The following APTX variants were observed in gnomAD, a reference collection of about 807,000 sequenced individuals.
APTX encodes the protein forkhead-associated domain histidine triad-like protein.
In APTX, 33 loss-of-function variants were observed where a neutral mutation model predicts 42.3. The ratio of observed to expected loss-of-function variants is 0.78; its 90% CI spans 0.59 to 1.04. APTX has a LOEUF of 1.04. Among genes scored for constraint, APTX ranks in the 50% least tolerant of loss-of-function variants. APTX has a pLI of 0.00. For missense variants in APTX, 421 were observed against 415.1 expected (o/e 1.01, Z -0.12); for synonymous variants, 130 against 146.7 (o/e 0.89, Z 0.82).
intron 1 of APTX, chr9:32,990,183 T>C (rs1475356815): frequency 1.6e-5 from 5 of 320,530 alleles, no homozygotes; most frequent in Non-Finnish European, 2.9e-5. Context: ...ATTTATTTTA[T>C]TTATTTTGAG....
At chr9:33,019,396 G>A (rs1838179681) in intron 1 of APTX, among the ~76,000 whole-genome samples, 1 of 152,052 alleles carries the variant, frequency 6.6e-6, no homozygotes, top group African/African-American at 2.4e-5. Context: ...AATATTCTAA[G>A]AAATTTAAAT....
chr9:32,989,620 T>C, intron 2 of APTX, 139 bp downstream of exon 2: 1 of 1,291,892 alleles, frequency 7.7e-7, no homozygotes, highest in Admixed American at 1.7e-5. Context: ...GCCCTGGTGT[T>C]GGCTAAAAGA....
upstream of APTX, among the ~76,000 whole-genome samples, chr9:33,006,532 G>A (rs190361626): frequency 1.1e-4 from 16 of 152,306 alleles, no homozygotes; most frequent in Admixed American, 6.5e-4. Context: ...AAAAGCAGGT[G>A]AAGCCAGAGG....
chr9:32,973,427 G>C lies in APTX; in HGVS notation c.*71C>G. ...TTAGGAAATGAGTAGAAGTTCACAA[G>C]CAACCCAGAATAGGTGCCAGCAGTT... On this transcript the variant is annotated 3_prime_UTR_variant, in exon 8 of 8. Transcript: ENST00000379817. 6.5e-7 allele frequency: 1 copy of C among 1,547,026 alleles called. No individual in the cohort carries two copies. The highest frequency in any genetic ancestry group is 8.9e-7 in the Non-Finnish European group (1 of 1,121,528).
At chr9:33,008,864 A>G (rs1373939458) in intron 1 of APTX, among the ~76,000 whole-genome samples, 2 of 152,054 alleles carry the variant, frequency 1.3e-5, no homozygotes, top group Non-Finnish European at 2.9e-5. Context: ...TTGATTTTTT[A>G]ATGATAATCT....
intron 1 of APTX, among the ~76,000 whole-genome samples, chr9:33,020,542 G>A (rs891361288): frequency 3.3e-5 from 5 of 152,208 alleles, no homozygotes; most frequent in African/African-American, 1.2e-4. Flanking sequence ...AATCAAATCA[G>A]CTCTAAAACA....
At chr9:33,000,625 C>CAAAAAAAAAAAAAAAAAAAAAAAA (rs60760701) in intron 1 of APTX, among the ~76,000 whole-genome samples, 20 of 63,408 alleles carry the variant, frequency 3.2e-4, no homozygotes, top group East Asian at 1.1e-3. Context: ...GACTCTGTCT[C>CAAAAAAAAAAAAAAAAAAAAAAAA]AAAAAAAAAA....
intron 1 of APTX, among the ~76,000 whole-genome samples, chr9:33,019,367 C>T (rs980398628): frequency 8.6e-5 from 13 of 151,784 alleles, no homozygotes; most frequent in African/African-American, 3.1e-4. Context: ...AAAGTCTGGC[C>T]CCAGTTAATT....
At chr9:32,977,706 C>G (rs1050474112) in intron 6 of APTX, among the ~76,000 whole-genome samples, 3 of 152,092 alleles carry the variant, frequency 2.0e-5, no homozygotes, top group African/African-American at 7.2e-5. Context: ...TGGCGCATGC[C>G]TGTAATCCCA....
intron 1 of APTX, among the ~76,000 whole-genome samples, chr9:32,993,959 T>G (rs1217993036): frequency 6.6e-6 from 1 of 152,102 alleles, no homozygotes; most frequent in Non-Finnish European, 1.5e-5. Context: ...TGTCAGGCGA[T>G]CCGCCCACCT....
intron 1 of APTX, among the ~76,000 whole-genome samples, chr9:33,022,655 C>T (rs1390146472): frequency 1.3e-5 from 2 of 152,068 alleles, no homozygotes; most frequent in Non-Finnish European, 2.9e-5. Context: ...CTACATACTA[C>T]GCCATTAAAA....
At position 32,975,596 on chromosome 9, in the gene APTX, G is replaced by A. The variant is rs529285134; in HGVS notation, c.771-1035C>T. Among the ~76,000 whole-genome samples the A allele has an allele frequency of 3.9e-5, 6 of 152,252 alleles. No individual in the cohort carries two copies. In the South Asian group the frequency reaches 6.2e-4, roughly 16 times the overall value. On this transcript the variant is annotated intron_variant, in intron 6 of 7. Coordinates refer to ENST00000379817, the MANE Select transcript of APTX (RefSeq NM_001195248.2). ...TGCCTGTAATCCCAGCTACTTGGGA[G>A]GCTGAGGCAGGAGAATCACTTGAAC...
intron 6 of APTX, among the ~76,000 whole-genome samples, chr9:32,977,536 TG>T (rs1039370188): frequency 7.0e-6 from 1 of 143,102 alleles, no homozygotes; most frequent in Non-Finnish European, 1.5e-5. Flanking sequence ...TTTATAAAAA[TG>T]GGGGGGAAAA....
intron 1 of APTX, among the ~76,000 whole-genome samples, chr9:33,019,512 T>C (rs1838190501): frequency 6.6e-6 from 1 of 152,214 alleles, no homozygotes; most frequent in African/African-American, 2.4e-5. Flanking sequence ...CAGTTTTATT[T>C]TCTGTGGTAA....
chr9:32,998,858 A>G (rs113128271), intron 1 of APTX, among the ~76,000 whole-genome samples: 4,351 of 151,530 alleles, frequency 0.029, 200 homozygotes, highest in African/African-American at 0.1. Context: ...TGTATCCCAG[A>G]ACTTAAAGTA....
At position 32,986,032 on chromosome 9, in the gene APTX, T is replaced by TAAAAAAAAACAAAAAAAAAAAAAAA; in HGVS notation, c.484-3_484-2insTTTTTTTTTTTTTTTGTTTTTTTTT. On this transcript the variant is annotated splice_polypyrimidine_tract_variant and splice_region_variant and intron_variant, in intron 4 of 7. Transcript: ENST00000379817. ...TTGACTCCAGTGGCCCAGGGATTCC[T>TAAAAAAAAACAAAAAAAAAAAAAAA]AAAAAAAAAACAAAAAAAAAAACAA... is the stretch of plus-strand genomic sequence containing the variant. 23 of 732,420 alleles carry TAAAAAAAAACAAAAAAAAAAAAAAA rather than the reference T, an allele frequency of 3.1e-5. No individual in the cohort carries two copies. Among genetic ancestry groups the TAAAAAAAAACAAAAAAAAAAAAAAA allele is most frequent in the East Asian group, 2.4e-4 (6 of 24,906 alleles). The allele number at this position is 732,420 out of a possible 1,614,324, so 45.4% of individuals were successfully genotyped here. A position where few individuals can be genotyped will look rare whatever the true frequency, so the allele number is the denominator to read the frequency against.
At chr9:33,010,163 G>A (rs1391996404) in intron 1 of APTX, among the ~76,000 whole-genome samples, 1 of 152,136 alleles carries the variant, frequency 6.6e-6, no homozygotes, top group Non-Finnish European at 1.5e-5. Context: ...ACAGGCAATA[G>A]TAGTTCCCAG....
chr9:32,992,608 T>C (rs1325471038), intron 1 of APTX, among the ~76,000 whole-genome samples: 1 of 151,898 alleles, frequency 6.6e-6, no homozygotes, highest in Non-Finnish European at 1.5e-5. Flanking sequence ...AAGACAGAGG[T>C]GTTGAAAGAA....
At chr9:33,005,405 T>C (rs953535745), upstream of APTX, among the ~76,000 whole-genome samples, 7 of 152,150 alleles carry the variant, frequency 4.6e-5, no homozygotes, top group African/African-American at 1.4e-4. Flanking sequence ...TGATCCATTT[T>C]TGAGGTGTGG....
Sources: gnomAD v4.1 joint callset for allele counts (sites outside exome capture counted in the v4.1 genomes callset) on GRCh38, gnomAD v4.1.1 for gene constraint, MANE v1.5 for transcripts, NCBI Gene and HGNC (gene_info 2026-07-23, HGNC 2026-07-21) for gene names.